The following HAUS6 variants were observed in gnomAD, a reference collection of about 807,000 sequenced individuals.
HAUS6 encodes HAUS augmin like complex subunit 6, also known as HAUS augmin-like complex subunit 6.
A neutral mutation model predicts 106.8 loss-of-function variants in HAUS6; 80 were observed. The observed-to-expected ratio is 0.75, with a 90% CI of 0.63 to 0.90. HAUS6 has a LOEUF of 0.90. Ranked by LOEUF, HAUS6 falls within the 40% of genes least tolerant of loss-of-function variation. The probability of loss-of-function intolerance (pLI) is 0.00; values close to 1 mark genes in which losing one functional copy is unlikely to be tolerated. For missense variants in HAUS6, 1,155 were observed against 1,118.1 expected (o/e 1.03, Z -0.47); for synonymous variants, 356 against 379.1 (o/e 0.94, Z 0.71).
At chr9:19,081,191 A>AT (rs1837140100) in intron 8 of HAUS6, among the ~76,000 whole-genome samples, 1 of 152,176 alleles carries the variant, frequency 6.6e-6, no homozygotes, top group Admixed American at 6.5e-5. Context: ...GCCTTGCTAC[A>AT]TTTTTTGCTA....
chr9:19,101,671 C>G (rs995856086), intron 1 of HAUS6, among the ~76,000 whole-genome samples: 4 of 152,266 alleles, frequency 2.6e-5, no homozygotes, highest in Admixed American at 2.0e-4. Flanking sequence ...CCTGTAATCC[C>G]AGCACTTTGG....
chr9:19,060,699 A>C (rs1224408167), intron 14 of HAUS6, among the ~76,000 whole-genome samples: 4 of 152,240 alleles, frequency 2.6e-5, no homozygotes, highest in Non-Finnish European at 5.9e-5. Flanking sequence ...CTATTATCAC[A>C]TCTTCATTAC....
intron 11 of HAUS6, among the ~76,000 whole-genome samples, chr9:19,071,161 T>G (rs936779484): frequency 2.6e-5 from 4 of 151,986 alleles, no homozygotes; most frequent in Non-Finnish European, 4.4e-5. Flanking sequence ...AGAAAAGAAG[T>G]AAGGATTACA....
chr9:19,096,323 G>C (rs1377846720), intron 2 of HAUS6, among the ~76,000 whole-genome samples: 1 of 152,078 alleles, frequency 6.6e-6, no homozygotes, highest in Non-Finnish European at 1.5e-5. Context: ...ACAGCGCTTT[G>C]GGAGGCCGAG....
At chr9:19,094,706 G>A (rs939779173) in intron 2 of HAUS6, among the ~76,000 whole-genome samples, 1 of 151,950 alleles carries the variant, frequency 6.6e-6, no homozygotes, top group Non-Finnish European at 1.5e-5. Flanking sequence ...CACGAGTATT[G>A]CTTGAACCCA....
intron 15 of HAUS6, 115 bp from the exon 16 acceptor site, chr9:19,059,116 A>G: frequency 1.6e-6 from 1 of 638,382 alleles, no homozygotes. Context: ...CATGTTCCAT[A>G]AATATACTGG....
intron 2 of HAUS6, among the ~76,000 whole-genome samples, chr9:19,095,519 A>AC (rs1817843406): frequency 6.6e-6 from 1 of 151,610 alleles, no homozygotes; most frequent in African/African-American, 2.4e-5. Flanking sequence ...AAAAAAAAAA[A>AC]TTAAAATCTG....
intron 9 of HAUS6, among the ~76,000 whole-genome samples, chr9:19,078,599 C>T (rs1050200051): frequency 2.6e-5 from 4 of 151,638 alleles, no homozygotes; most frequent in African/African-American, 9.7e-5. Flanking sequence ...ACCAGCCTGG[C>T]CAATGTGGTG....
At chr9:19,060,829 G>A (rs1437647845) in intron 14 of HAUS6, among the ~76,000 whole-genome samples, 2 of 152,084 alleles carry the variant, frequency 1.3e-5, no homozygotes, top group African/African-American at 2.4e-5. Flanking sequence ...CTCTGCCCCC[G>A]ACATCACTAA....
At chr9:19,088,932 A>G (rs1172834588) in intron 5 of HAUS6, among the ~76,000 whole-genome samples, 1 of 150,962 alleles carries the variant, frequency 6.6e-6, no homozygotes, top group African/African-American at 2.5e-5. Flanking sequence ...AAAGTTTTAA[A>G]ATATTTTAGG....
At chr9:19,067,275 T>C (rs1402498705) in intron 12 of HAUS6, among the ~76,000 whole-genome samples, 1 of 152,250 alleles carries the variant, frequency 6.6e-6, no homozygotes, top group African/African-American at 2.4e-5. Context: ...TTTCATTAAG[T>C]ACAGTCCACC....
chr9:19,062,131 T>C (rs188613556), intron 14 of HAUS6, among the ~76,000 whole-genome samples: 15 of 152,330 alleles, frequency 9.8e-5, no homozygotes, highest in Admixed American at 7.2e-4. Context: ...AATGGTAGTA[T>C]TGTGTGGTCA....
Position 19,089,421 on chromosome 9 carries a change from T to C in HAUS6, c.575A>G (p.Glu192Gly), listed in dbSNP as rs1564018896. Reference sequence around the variant, plus strand: ...TCAAGGTACTACTTACTGTGCATTTTCCTGATATTTTTGGGTAACACAATC... The same window carrying C: ...TCAAGGTACTACTTACTGTGCATTTCCCTGATATTTTTGGGTAACACAATC... ...RQDCVTQKYQ[E>G]NAQLSVKQVR... Residue 192 changes from glutamate (E) to glycine (G), a missense_variant, in exon 5 of 17, where the codon GAA (glutamate) becomes GGA (glycine). By Grantham distance (98) the Glu-to-Gly change is moderately conservative. Transcript: ENST00000380502. 1.2e-6 allele frequency: 2 copies of C among 1,605,058 alleles called. No homozygotes were observed. The highest frequency in any genetic ancestry group is 8.5e-7 in the Non-Finnish European group (1 of 1,171,778).
At position 19,058,768 on chromosome 9, in the gene HAUS6, G is replaced by A. The variant is rs750439820; in HGVS notation, c.1999C>T (p.Gln667Ter). 2.5e-6 allele frequency: 4 copies of A among 1,614,170 alleles called. No individual in the cohort carries two copies. The highest frequency in any genetic ancestry group is 1.7e-5 in the Admixed American group (1 of 60,020). ...ATGTGACTGGTCAGCACATGTTTCT[G>A]AGGCACACACTCGCAATCTGAAATA... ...KVISDCECVP[Q>*]KHVLTSHIDE... Residue 667 changes from glutamine to a stop codon, truncating the protein, a stop_gained, in exon 16 of 17, where the codon CAG (glutamine) becomes TAG (stop). Coordinates refer to ENST00000380502, the MANE Select transcript of HAUS6 (RefSeq NM_017645.5). LOFTEE classifies it high-confidence loss of function.
chr9:19,081,596 T>C (rs1020888122), intron 8 of HAUS6, among the ~76,000 whole-genome samples: 1 of 151,994 alleles, frequency 6.6e-6, no homozygotes, highest in Non-Finnish European at 1.5e-5. Flanking sequence ...TGCACCACCA[T>C]GCCCAGCTAA....
At position 19,054,181 on chromosome 9, in the gene HAUS6, G is replaced by C. The variant is rs1000128428; in HGVS notation, c.*2162C>G. ...AAAATTGTATATCAAGACCTCTAAA[G>C]ACCCATGCTCACTGAAGCATTTCAG... On this transcript the variant is annotated 3_prime_UTR_variant, in exon 17 of 17. Transcript: ENST00000380502. 15 of 152,140 alleles carry C rather than the reference G, an allele frequency of 9.9e-5. No individual in the cohort carries two copies. The highest frequency in any genetic ancestry group is 2.2e-4 in the Non-Finnish European group (15 of 68,026). 9.4% of individuals were successfully genotyped at this position (152,140 alleles called of 1,614,324 possible).
intron 15 of HAUS6, among the ~76,000 whole-genome samples, chr9:19,059,435 T>C (rs1283358826): frequency 1.2e-4 from 18 of 152,222 alleles, no homozygotes; most frequent in Admixed American, 1.2e-3. Flanking sequence ...ATGAATATGC[T>C]TATGTTCAAT....
In HAUS6 at chr9:19,060,828, C is replaced by T. The variant is rs190669557; in HGVS notation, c.1630-605G>A. Among the ~76,000 whole-genome samples, 36 of 152,220 alleles carry T rather than the reference C, an allele frequency of 2.4e-4. No homozygotes were observed. The East Asian group carries it at 6.9e-3, about 29-fold the overall frequency. On this transcript the variant is annotated intron_variant, in intron 14 of 16. Transcript: ENST00000380502. ...ACATGCAAATTAAAAACTCTGCCCC[C>T]GACATCACTAAAAAATAAACTTCTT...
chr9:19,073,744 G>A (rs1836927775), intron 11 of HAUS6: 1 of 151,852 alleles, frequency 6.6e-6, no homozygotes, highest in East Asian at 1.9e-4. Flanking sequence ...CATAATTAAG[G>A]ACTGTCCAAA....
Sources: gnomAD v4.1 joint callset for allele counts (sites outside exome capture counted in the v4.1 genomes callset) on GRCh38, gnomAD v4.1.1 for gene constraint, MANE v1.5 for transcripts, NCBI Gene and HGNC (gene_info 2026-07-23, HGNC 2026-07-21) for gene names.